HOXC9: variants seen among roughly 807,000 people sequenced by gnomAD.
HOXC9 encodes homeobox C9.
In HOXC9, 10 loss-of-function variants were observed where a neutral mutation model predicts 20.0. That is an observed-to-expected ratio of 0.50 (90% CI 0.31 to 0.85). The LOEUF is 0.85. HOXC9 is among the 40% of genes least tolerant of loss of function. The pLI is 0.05. For synonymous variants in HOXC9, 200 were observed against 163.7 expected (o/e 1.22, Z -1.69); for missense variants, 394 against 376.7 (o/e 1.05, Z -0.38).
chr12:54,000,325 A>G lies in HOXC9; in HGVS notation c.137A>G (p.Asp46Gly). ...GCCAGACCCAGCGGTTTGGTGCCGG[A>G]CTGTAGCGATTTTCCGTCCTGTAGC... is the stretch of plus-strand genomic sequence containing the variant. ...AAARPSGLVP[D>G]CSDFPSCSFA... The change falls in exon 1 of 2, where the codon GAC becomes GGC. Residue 46 changes from aspartate to glycine, a missense_variant. Transcript: ENST00000303450. 1.9e-6 allele frequency: 3 copies of G among 1,613,990 alleles called. No individual in the cohort carries two copies. Among genetic ancestry groups the G allele is most frequent in the Non-Finnish European group, 2.5e-6 (3 of 1,180,022 alleles).
At chr12:54,000,751 A>G (rs1255019691) in intron 1 of HOXC9, 25 bp downstream of exon 1, 1 of 1,481,168 alleles carries the variant, frequency 6.8e-7, no homozygotes, top group Admixed American at 2.4e-5. Context: ...ATTTTCCTTT[A>G]CAACCGGCGC....
Position 54,000,229 on chromosome 12 carries a change from C to T in HOXC9, c.41C>T (p.Ser14Leu). ...TGPISNYYVD[S>L]LISHDNEDLL... is the part of the protein sequence containing the mutation. The stretch of plus-strand genomic sequence containing the variant: ...CCCATCAGTAACTATTACGTGGACT[C>T]GCTCATCTCTCACGACAATGAAGAC... The change falls in exon 1 of 2, where the codon TCG becomes TTG. Residue 14 changes from serine to leucine, a missense_variant. Transcript: ENST00000303450. The T allele has an allele frequency of 2.5e-6, 4 of 1,614,222 alleles. No individual in the cohort carries two copies. Among genetic ancestry groups the T allele is most frequent in the Non-Finnish European group, 2.5e-6 (3 of 1,180,046 alleles).
chr12:54,000,236 C>A lies in HOXC9; in HGVS notation c.48C>A (p.Ile16=). 1 of 1,614,212 alleles carries A rather than the reference C, an allele frequency of 6.2e-7. No individual in the cohort carries two copies. The highest frequency in any genetic ancestry group is 1.1e-5 in the South Asian group (1 of 91,084). The change falls in exon 1 of 2, where the codon ATC becomes ATA. Residue 16 remains isoleucine (I), a synonymous_variant. Coordinates refer to ENST00000303450, the MANE Select transcript of HOXC9 (RefSeq NM_006897.3). ...PISNYYVDSL[I]SHDNEDLLAS... is the part of the protein sequence containing the mutation. ...GTAACTATTACGTGGACTCGCTCAT[C>A]TCTCACGACAATGAAGACCTCCTAG...
At chr12:54,000,779 C>G in intron 1 of HOXC9, 53 bp downstream of exon 1, 1 of 1,351,220 alleles carries the variant, frequency 7.4e-7, no homozygotes, top group Non-Finnish European at 9.8e-7. Context: ...GAGGGGAGGA[C>G]GGGCGGGGGC....
Position 54,003,012 on chromosome 12 carries a change from C to G in HOXC9, c.*338C>G. ...TTCAGAGAAGCCAGTACTTGAATCGCTATATTTCTATTTTTTTTTCCCTGT... is the reference window on the plus strand; with the variant it reads ...TTCAGAGAAGCCAGTACTTGAATCGGTATATTTCTATTTTTTTTTCCCTGT... On this transcript the variant is annotated 3_prime_UTR_variant, in exon 2 of 2. Transcript: ENST00000303450. The G allele has an allele frequency of 5.4e-6, 1 of 185,218 alleles. No homozygotes were observed. The highest frequency in any genetic ancestry group is 1.1e-5 in the Non-Finnish European group (1 of 90,160). The allele number at this position is 185,218 out of a possible 1,614,324, so 11.5% of individuals were successfully genotyped here.
At position 54,000,475 on chromosome 12, in the gene HOXC9, G is replaced by C. The variant is rs762214270; in HGVS notation, c.287G>C (p.Trp96Ser). 9 of 1,600,728 alleles carry C rather than the reference G, an allele frequency of 5.6e-6. No individual in the cohort carries two copies. Among genetic ancestry groups the C allele is most frequent in the Middle Eastern group, 1.6e-4 (1 of 6,076 alleles). ...GCCGACACGCGCTACATGCGGACTT[G>C]GCTCGAGCCGCTGTCCGGCGCCGTC... ...LGADTRYMRTWLEPLSGAVSF... is the reference protein window; with the variant it reads ...LGADTRYMRTSLEPLSGAVSF... Residue 96 changes from tryptophan to serine, a missense_variant, in exon 1 of 2, where the codon TGG becomes TCG. Physicochemically the swap from Trp to Ser is radical, Grantham distance 177 (BLOSUM62 -3). Coordinates refer to ENST00000303450, the MANE Select transcript of HOXC9 (RefSeq NM_006897.3).
chr12:54,002,624 A>T lies in HOXC9; in HGVS notation c.733A>T (p.Met245Leu). 6.2e-7 allele frequency: 1 copy of T among 1,614,170 alleles called. No individual in the cohort carries two copies. ...CAAAATCTGGTTTCAGAATCGAAGG[A>T]TGAAGATGAAAAAGATGAATAAAGA... ...QVKIWFQNRR[M>L]KMKKMNKEKT... The change falls in exon 2 of 2, where the codon ATG becomes TTG. Residue 245 changes from methionine to leucine, a missense_variant. Transcript: ENST00000303450.
In HOXC9 at chr12:54,000,622, C is replaced by T. The variant is rs778191149; in HGVS notation, c.434C>T (p.Ser145Leu). Residue 145 changes from serine (S) to leucine (L), a missense_variant, in exon 1 of 2, where the codon TCG (serine) becomes TTG (leucine). Coordinates refer to ENST00000303450, the MANE Select transcript of HOXC9 (RefSeq NM_006897.3). ...GRSYPDYMYG[S>L]PGELRDRAPQ... ...AGCTACCCGGACTACATGTACGGCT[C>T]GCCCGGGGAGCTGCGCGACCGCGCC... 5 of 1,538,078 alleles carry T rather than the reference C, an allele frequency of 3.3e-6. No individual in the cohort carries two copies. Among genetic ancestry groups the T allele is most frequent in the East Asian group, 2.5e-5 (1 of 40,380 alleles).
rs955477233 is a variant in HOXC9, at chr12:54,002,467, G to A, written c.576G>A (p.Thr192=). The change falls in exon 2 of 2, where the codon ACG becomes ACA. Residue 192 remains threonine (T), a synonymous_variant. Coordinates refer to ENST00000303450, the MANE Select transcript of HOXC9 (RefSeq NM_006897.3). ...CCAACTGGATTCACGCCCGCTCCACGAGGAAGAAGCGCTGCCCCTACACCA... is the reference window on the plus strand; with the variant it reads ...CCAACTGGATTCACGCCCGCTCCACAAGGAAGAAGCGCTGCCCCTACACCA... ...PVANWIHARS[T]RKKRCPYTKY... is the part of the protein sequence containing the mutation. 3 of 1,614,090 alleles carry A rather than the reference G, an allele frequency of 1.9e-6. No homozygotes were observed. The highest frequency in any genetic ancestry group is 1.7e-5 in the Admixed American group (1 of 60,028).
chr12:54,000,259 T>C lies in HOXC9; in HGVS notation c.71T>C (p.Leu24Pro). The change falls in exon 1 of 2, where the codon CTA (leucine) becomes CCA (proline). Residue 24 changes from leucine to proline, a missense_variant. Physicochemically the swap from Leu to Pro is moderately conservative, Grantham distance 98. Coordinates refer to ENST00000303450, the MANE Select transcript of HOXC9 (RefSeq NM_006897.3). The stretch of plus-strand genomic sequence containing the variant: ...ATCTCTCACGACAATGAAGACCTCC[T>C]AGCGTCCAGGTTTCCGGCCACCGGG... ...SLISHDNEDL[L>P]ASRFPATGAH... 6 of 1,614,146 alleles carry C rather than the reference T, an allele frequency of 3.7e-6. No individual in the cohort carries two copies. The highest frequency in any genetic ancestry group is 5.1e-6 in the Non-Finnish European group (6 of 1,180,010).
Position 54,002,461 on chromosome 12 carries a change from C to T in HOXC9, c.570C>T (p.Arg190=). The change falls in exon 2 of 2, where the codon CGC becomes CGT. Residue 190 remains arginine, a synonymous_variant. Coordinates refer to ENST00000303450, the MANE Select transcript of HOXC9 (RefSeq NM_006897.3). The stretch of plus-strand genomic sequence containing the variant: ...CCGTGGCCAACTGGATTCACGCCCG[C>T]TCCACGAGGAAGAAGCGCTGCCCCT... ...SNPVANWIHA[R]STRKKRCPYT... 6.2e-7 allele frequency: 1 copy of T among 1,614,096 alleles called. No individual in the cohort carries two copies. Among genetic ancestry groups the T allele is most frequent in the East Asian group, 2.2e-5 (1 of 44,882 alleles).
chr12:54,002,628 A>G lies in HOXC9; in HGVS notation c.737A>G (p.Lys246Arg). The change falls in exon 2 of 2, where the codon AAG becomes AGG. Residue 246 changes from lysine to arginine, a missense_variant. Physicochemically the swap from Lys to Arg is conservative, Grantham distance 26. Transcript: ENST00000303450. ...ATCTGGTTTCAGAATCGAAGGATGA[A>G]GATGAAAAAGATGAATAAAGAGAAA... Reference protein sequence around the residue: ...VKIWFQNRRMKMKKMNKEKTD... With the variant: ...VKIWFQNRRMRMKKMNKEKTD... 1 of 1,614,140 alleles carries G rather than the reference A, an allele frequency of 6.2e-7. No individual in the cohort carries two copies. Among genetic ancestry groups the G allele is most frequent in the Non-Finnish European group, 8.5e-7 (1 of 1,179,998 alleles).
chr12:54,000,704 G>A lies in HOXC9; in HGVS notation c.516G>A (p.Glu172=). ...CGCTCGCCGGCAGCAAGCACAAAGAGGAGAAGGCCGACCTGGACCCCAGTA... is the reference window on the plus strand; with the variant it reads ...CGCTCGCCGGCAGCAAGCACAAAGAAGAGAAGGCCGACCTGGACCCCAGTA... ...ADALAGSKHK[E]EKADLDPSNP... Residue 172 remains glutamate (E), a synonymous_variant, in exon 1 of 2, where the codon GAG becomes GAA. Transcript: ENST00000303450. 1 of 1,564,210 alleles carries A rather than the reference G, an allele frequency of 6.4e-7. No homozygotes were observed. The highest frequency in any genetic ancestry group is 1.9e-5 in the Admixed American group (1 of 51,782).
chr12:54,002,494 G>C lies in HOXC9; in HGVS notation c.603G>C (p.Lys201Asn). Reference sequence around the variant, plus strand: ...GGAAGAAGCGCTGCCCCTACACCAAGTACCAGACGCTGGAACTGGAGAAGG... The same window carrying C: ...GGAAGAAGCGCTGCCCCTACACCAACTACCAGACGCTGGAACTGGAGAAGG... ...STRKKRCPYTKYQTLELEKEF... is the reference protein window; with the variant it reads ...STRKKRCPYTNYQTLELEKEF... The change falls in exon 2 of 2, where the codon AAG becomes AAC. Residue 201 changes from lysine (K) to asparagine (N), a missense_variant. Coordinates refer to ENST00000303450, the MANE Select transcript of HOXC9 (RefSeq NM_006897.3). 6.2e-7 allele frequency: 1 copy of C among 1,614,184 alleles called. No homozygotes were observed. Among genetic ancestry groups the C allele is most frequent in the Non-Finnish European group, 8.5e-7 (1 of 1,180,032 alleles).
Position 54,002,630 on chromosome 12 carries a change from A to T in HOXC9, c.739A>T (p.Met247Leu). 1 of 1,614,174 alleles carries T rather than the reference A, an allele frequency of 6.2e-7. No individual in the cohort carries two copies. The highest frequency in any genetic ancestry group is 8.5e-7 in the Non-Finnish European group (1 of 1,180,014). The part of the protein sequence containing the change: ...KIWFQNRRMK[M>L]KKMNKEKTDK... ...CTGGTTTCAGAATCGAAGGATGAAG[A>T]TGAAAAAGATGAATAAAGAGAAAAC... The change falls in exon 2 of 2, where the codon ATG (methionine) becomes TTG (leucine). Residue 247 changes from methionine to leucine, a missense_variant. Transcript: ENST00000303450.
chr12:54,000,823 A>G, intron 1 of HOXC9, 97 bp downstream of exon 1: 2 of 1,137,468 alleles, frequency 1.8e-6, no homozygotes, highest in South Asian at 3.5e-5. Flanking sequence ...CCGTGCAGGG[A>G]GCGCGGGAGA....
In HOXC9 at chr12:54,000,242, C is replaced by A. The variant is rs749201732; in HGVS notation, c.54C>A (p.His18Gln). 3 of 1,614,080 alleles carry A rather than the reference C, an allele frequency of 1.9e-6. No individual in the cohort carries two copies. Among genetic ancestry groups the A allele is most frequent in the African/African-American group, 2.7e-5 (2 of 74,938 alleles). ...SNYYVDSLIS[H>Q]DNEDLLASRF... ...ATTACGTGGACTCGCTCATCTCTCA[C>A]GACAATGAAGACCTCCTAGCGTCCA... Residue 18 changes from histidine (H) to glutamine (Q), a missense_variant, in exon 1 of 2, where the codon CAC becomes CAA. Coordinates refer to ENST00000303450, the MANE Select transcript of HOXC9 (RefSeq NM_006897.3).
In HOXC9 at chr12:54,000,647, C is replaced by G; in HGVS notation, c.459C>G (p.Ala153=). ...YGSPGELRDR[A]PQTLPSPEAD... ...CGCCCGGGGAGCTGCGCGACCGCGCCCCGCAGACACTGCCCTCGCCCGAGG... is the reference window on the plus strand; with the variant it reads ...CGCCCGGGGAGCTGCGCGACCGCGCGCCGCAGACACTGCCCTCGCCCGAGG... Residue 153 remains alanine (A), a synonymous_variant, in exon 1 of 2, where the codon GCC becomes GCG. Coordinates refer to ENST00000303450, the MANE Select transcript of HOXC9 (RefSeq NM_006897.3). 6.4e-7 allele frequency: 1 copy of G among 1,552,770 alleles called. No homozygotes were observed. The highest frequency in any genetic ancestry group is 8.7e-7 in the Non-Finnish European group (1 of 1,155,396).
rs772965390 is a variant in HOXC9, at chr12:54,000,391, C to T, written c.203C>T (p.Pro68Leu). The part of the protein sequence containing the change: ...KPAVFSTSWA[P>L]VPSQSSVVYH... ...GCAGTGTTCAGCACGTCGTGGGCGC[C>T]CGTGCCCTCTCAGTCGTCCGTGGTA... The change falls in exon 1 of 2, where the codon CCC becomes CTC. Residue 68 changes from proline (P) to leucine (L), a missense_variant. By Grantham distance (98) the Pro-to-Leu change is moderately conservative. Coordinates refer to ENST00000303450, the MANE Select transcript of HOXC9 (RefSeq NM_006897.3). 10 of 1,613,282 alleles carry T rather than the reference C, an allele frequency of 6.2e-6. No individual in the cohort carries two copies. The South Asian group carries it at 9.9e-5, about 16-fold the overall frequency.
Sources: gnomAD v4.1 joint callset for allele counts on GRCh38, gnomAD v4.1.1 for gene constraint, MANE v1.5 for transcripts, NCBI Gene and HGNC (gene_info 2026-07-23, HGNC 2026-07-21) for gene names.